Variants in KDM4C observed in about 807,000 individuals in gnomAD.
The protein encoded by KDM4C is lysine-specific demethylase 4C.
In KDM4C, 81 loss-of-function variants were observed where a neutral mutation model predicts 129.3. That is an observed-to-expected ratio of 0.63 (90% CI 0.52 to 0.75). The LOEUF (loss-of-function observed/expected upper bound fraction) is 0.75, where lower values mean the gene tolerates loss of function less well. KDM4C is among the 30% of genes least tolerant of loss of function. KDM4C has a pLI of 0.00. For synonymous variants in KDM4C, 573 were observed against 456.1 expected, an observed-to-expected ratio of 1.26 and a Z score of -3.26; for missense variants, 1,457 against 1,304.0, an observed-to-expected ratio of 1.12 and a Z score of -1.81.
chr9:6,960,953 G>T (rs1291251020), intron 8 of KDM4C, among the ~76,000 whole-genome samples: 1 of 152,142 alleles, frequency 6.6e-6, no homozygotes, highest in East Asian at 1.9e-4. Context: ...ATCCATACAC[G>T]CATTGTGAAA....
chr9:6,846,397 C>T (rs1837859794), intron 4 of KDM4C, among the ~76,000 whole-genome samples: 1 of 152,124 alleles, frequency 6.6e-6, no homozygotes, highest in African/African-American at 2.4e-5. Context: ...TAACACTTCA[C>T]TTTAATGATA....
At chr9:7,012,664 A>G (rs999340151) in intron 13 of KDM4C, among the ~76,000 whole-genome samples, 2 of 152,154 alleles carry the variant, frequency 1.3e-5, no homozygotes, top group African/African-American at 2.4e-5. Flanking sequence ...GCGTCATTCC[A>G]TAGATATTAT....
chr9:6,823,009 A>G (rs767738743), intron 4 of KDM4C, among the ~76,000 whole-genome samples: 5 of 152,226 alleles, frequency 3.3e-5, no homozygotes, highest in Non-Finnish European at 7.3e-5. Flanking sequence ...AGCAATACCT[A>G]TTGTGTAGCA....
chr9:7,005,850 T>C (rs1057164753), intron 12 of KDM4C, among the ~76,000 whole-genome samples: 4 of 152,224 alleles, frequency 2.6e-5, no homozygotes, highest in Middle Eastern at 3.2e-3. Flanking sequence ...ACCAAGACTG[T>C]ATAGACTGCA....
chr9:7,024,276 C>T, intron 15 of KDM4C, among the ~76,000 whole-genome samples: 1 of 126,452 alleles, frequency 7.9e-6, no homozygotes, highest in African/African-American at 3.0e-5. Context: ...CTCTTTTTAT[C>T]TCTAATGTTT....
In KDM4C at chr9:6,969,683, A is replaced by G. The variant is rs532323716; in HGVS notation, c.922-11242A>G. Among the ~76,000 whole-genome samples the G allele has an allele frequency of 2.6e-5, 4 of 152,308 alleles. No homozygotes were observed. The East Asian group carries it at 7.7e-4, about 29-fold the overall frequency. Reference sequence around the variant, plus strand: ...TACAAATTGTTACGCTCTGGTTTCAACCGTAGATGCATTTCCAGTCTGGAG... The same window carrying G: ...TACAAATTGTTACGCTCTGGTTTCAGCCGTAGATGCATTTCCAGTCTGGAG... On this transcript the variant is annotated intron_variant, in intron 8 of 21. Transcript: ENST00000381309.
At chr9:7,162,319 G>A (rs1411276416) in intron 19 of KDM4C, among the ~76,000 whole-genome samples, 1 of 152,206 alleles carries the variant, frequency 6.6e-6, no homozygotes, top group Non-Finnish European at 1.5e-5. Context: ...TTTTATCTTT[G>A]TGGCTGATAG....
At chr9:7,066,878 CTCT>C (rs1356583671) in intron 17 of KDM4C, among the ~76,000 whole-genome samples, 1 of 152,152 alleles carries the variant, frequency 6.6e-6, no homozygotes, top group African/African-American at 2.4e-5. Flanking sequence ...TGATATTATC[CTCT>C]TCTTACGTTT....
At chr9:7,041,643 G>A (rs1233778016) in intron 15 of KDM4C, among the ~76,000 whole-genome samples, 1 of 151,920 alleles carries the variant, frequency 6.6e-6, no homozygotes, top group Non-Finnish European at 1.5e-5. Context: ...CAGAAAGGGT[G>A]TGCTGCTTTT....
At chr9:7,024,248 T>A (rs1160794441) in intron 15 of KDM4C, among the ~76,000 whole-genome samples, 1 of 151,974 alleles carries the variant, frequency 6.6e-6, no homozygotes, top group Admixed American at 6.6e-5. Context: ...CCAGCTGTTA[T>A]TGTATTGGAG....
At chr9:6,798,092 G>A (rs777945364) in intron 2 of KDM4C, among the ~76,000 whole-genome samples, 7 of 152,092 alleles carry the variant, frequency 4.6e-5, no homozygotes, top group Non-Finnish European at 7.4e-5. Context: ...CTGAACTTCT[G>A]AAAATATATT....
chr9:6,996,233 A>G (rs865973244), intron 12 of KDM4C, among the ~76,000 whole-genome samples: 20 of 152,196 alleles, frequency 1.3e-4, no homozygotes, highest in South Asian at 2.1e-4. Context: ...TATCAGCAGC[A>G]CTTTAATCGT....
intron 1 of KDM4C, among the ~76,000 whole-genome samples, chr9:6,732,374 AAAAAAAAAAAAAAAAAAAAAAAAAAAAG>A (rs1437893029): frequency 8.6e-6 from 1 of 116,270 alleles, no homozygotes; most frequent in Non-Finnish European, 1.7e-5. Flanking sequence ...CAAAAAAAAA[AAAAAAAAAAAAAAAAAAAAAAAAAAAAG>A]AATGAGGCCG....
At chr9:7,162,861 G>T (rs542660686) in intron 19 of KDM4C, among the ~76,000 whole-genome samples, 1 of 152,066 alleles carries the variant, frequency 6.6e-6, no homozygotes, top group Non-Finnish European at 1.5e-5. Context: ...GATTCGAGAA[G>T]GACCCAATAA....
intron 8 of KDM4C, among the ~76,000 whole-genome samples, chr9:6,971,100 A>G (rs1354561807): frequency 1.3e-5 from 2 of 152,200 alleles, no homozygotes; most frequent in Non-Finnish European, 2.9e-5. Context: ...GGATTGTAAT[A>G]GGCAGCCACA....
chr9:6,839,399 T>G (rs1316855668), intron 4 of KDM4C, among the ~76,000 whole-genome samples: 1 of 147,090 alleles, frequency 6.8e-6, no homozygotes, highest in African/African-American at 2.5e-5. Flanking sequence ...CTGGCCAGTT[T>G]TTTTTTTTTT....
At chr9:6,817,102 T>C (rs1024754083) in intron 4 of KDM4C, among the ~76,000 whole-genome samples, 4 of 152,048 alleles carry the variant, frequency 2.6e-5, no homozygotes, top group Admixed American at 1.3e-4. Context: ...GGATATATGA[T>C]TGAAATAACA....
At chr9:6,876,263 C>G (rs138321931) in intron 5 of KDM4C, among the ~76,000 whole-genome samples, 1 of 152,046 alleles carries the variant, frequency 6.6e-6, no homozygotes, top group Admixed American at 6.6e-5. Flanking sequence ...GCCAAAAGGC[C>G]GAGAAGTGAT....
chr9:7,136,167 C>A (rs1056234903), intron 19 of KDM4C, among the ~76,000 whole-genome samples: 1 of 152,190 alleles, frequency 6.6e-6, no homozygotes, highest in African/African-American at 2.4e-5. Flanking sequence ...AATGTTTACT[C>A]CCTGTCTGCA....
Sources: allele counts gnomAD v4.1 joint callset (sites outside exome capture counted in the v4.1 genomes callset), GRCh38; gene constraint gnomAD v4.1.1; transcripts MANE v1.5; gene names NCBI Gene and HGNC (gene_info 2026-07-23, HGNC 2026-07-21).